MACC1: variants seen among roughly 807,000 people sequenced by gnomAD.
The protein encoded by MACC1 is MET transcriptional regulator MACC1.
In MACC1, 79 loss-of-function variants were observed where a neutral mutation model predicts 70.7. That is an observed-to-expected ratio of 1.12 (90% CI 0.93 to 1.35). The LOEUF (loss-of-function observed/expected upper bound fraction) is 1.35. MACC1 is among the 40% of genes most tolerant of loss of function. MACC1 has a pLI of 0.00. For missense variants in MACC1, 1,106 were observed against 978.1 expected, an observed-to-expected ratio of 1.13 and a Z score of -1.74; for synonymous variants, 361 against 347.2, an observed-to-expected ratio of 1.04 and a Z score of -0.44.
chr7:20,182,307 G>A (rs529345732), intron 1 of MACC1, among the ~76,000 whole-genome samples: 66 of 152,046 alleles, frequency 4.3e-4, no homozygotes, highest in Middle Eastern at 3.4e-3. Context: ...AAACCTGCAC[G>A]TTGTGCACAT....
At chr7:20,149,999 A>G (rs1781951368) in intron 6 of MACC1, among the ~76,000 whole-genome samples, 1 of 152,246 alleles carries the variant, frequency 6.6e-6, no homozygotes, top group Admixed American at 6.5e-5. Flanking sequence ...ATATGTAAAG[A>G]GCAGATGGCT....
At chr7:20,210,687 G>A (rs1782982100) in intron 1 of MACC1, among the ~76,000 whole-genome samples, 1 of 152,030 alleles carries the variant, frequency 6.6e-6, no homozygotes, top group Non-Finnish European at 1.5e-5. Context: ...ACATCTCTTA[G>A]CACTGCCATC....
intron 2 of MACC1, among the ~76,000 whole-genome samples, chr7:20,169,939 T>G (rs1333462076): frequency 6.6e-6 from 1 of 152,208 alleles, no homozygotes; most frequent in Non-Finnish European, 1.5e-5. Flanking sequence ...CTTTGCCAAC[T>G]GGGCCCATTC....
intron 6 of MACC1, among the ~76,000 whole-genome samples, chr7:20,148,341 T>C (rs994312419): frequency 1.1e-4 from 16 of 152,224 alleles, no homozygotes; most frequent in Non-Finnish European, 8.8e-5. Flanking sequence ...GTAACCTTGC[T>C]ATAAATCTAG....
At chr7:20,193,849 C>T (rs1782708692) in intron 1 of MACC1, among the ~76,000 whole-genome samples, 1 of 150,678 alleles carries the variant, frequency 6.6e-6, no homozygotes, top group Non-Finnish European at 1.5e-5. Flanking sequence ...AAACAGCTGA[C>T]ATCACTGTTC....
intron 3 of MACC1, among the ~76,000 whole-genome samples, chr7:20,162,677 T>A (rs779064508): frequency 2.0e-5 from 3 of 152,116 alleles, no homozygotes; most frequent in Non-Finnish European, 4.4e-5. Flanking sequence ...CAGAGTGGTG[T>A]GGAAATGGTG....
intron 1 of MACC1, among the ~76,000 whole-genome samples, chr7:20,208,943 G>A (rs1436571802): frequency 2.0e-5 from 3 of 152,214 alleles, no homozygotes; most frequent in Non-Finnish European, 4.4e-5. Context: ...GTACAGCTCA[G>A]GTCATTGCTC....
intron 6 of MACC1, among the ~76,000 whole-genome samples, chr7:20,148,605 T>A (rs774325454): frequency 6.6e-6 from 1 of 152,192 alleles, no homozygotes; most frequent in Non-Finnish European, 1.5e-5. Flanking sequence ...GTGTATAATA[T>A]AGAATTAAGT....
chr7:20,142,457 A>G lies in MACC1; in HGVS notation c.2347-1299T>C, dbSNP rs12669139. 6.8e-3 allele frequency among the ~76,000 whole-genome samples: 1,039 copies of G among 152,342 alleles called. 20 individuals are homozygous for G. Among genetic ancestry groups the G allele is most frequent in the Admixed American group, 0.037 (571 of 15,302 alleles). On this transcript the variant is annotated intron_variant, in intron 6 of 6. Coordinates refer to ENST00000400331, the MANE Select transcript of MACC1 (RefSeq NM_182762.4). Reference sequence around the variant, plus strand: ...AATAAAAGACAATTATCAAAGTTATACCATATCAGCATATGGTGCAGCAAC... The same window carrying G: ...AATAAAAGACAATTATCAAAGTTATGCCATATCAGCATATGGTGCAGCAAC...
rs1429471127 is a variant in MACC1 at position 20,164,363 on chromosome 7, G to T, written c.-116C>A. The T allele has an allele frequency of 6.6e-6, 1 of 151,710 alleles. No homozygotes were observed. The highest frequency in any genetic ancestry group is 1.9e-4 in the East Asian group (1 of 5,196). 9.4% of individuals were successfully genotyped at this position (151,710 alleles called of 1,614,324 possible). A position where few individuals can be genotyped will look rare whatever the true frequency, so the allele number is the denominator to read the frequency against. On this transcript the variant is annotated 5_prime_UTR_variant, in exon 3 of 7. Transcript: ENST00000400331. ...TTCTTGATTTTTTTCTTTTCAAGTA[G>T]TTTTATTTTTTAAAGAAAGCAGAAG...
At chr7:20,199,437 A>G (rs1782802119) in intron 1 of MACC1, among the ~76,000 whole-genome samples, 1 of 152,256 alleles carries the variant, frequency 6.6e-6, no homozygotes, top group African/African-American at 2.4e-5. Flanking sequence ...TGGAGGCTTC[A>G]GTTCAACCCA....
intron 6 of MACC1, among the ~76,000 whole-genome samples, chr7:20,151,776 A>C (rs1467036453): frequency 6.6e-6 from 1 of 152,164 alleles, no homozygotes; most frequent in South Asian, 2.1e-4. Context: ...TATCATGGCT[A>C]CTTGACATGG....
intron 6 of MACC1, among the ~76,000 whole-genome samples, chr7:20,148,175 A>G (rs1217421100): frequency 1.3e-5 from 2 of 151,996 alleles, no homozygotes; most frequent in Non-Finnish European, 2.9e-5. Context: ...AAATGAGAAA[A>G]AAGGTGTACC....
At chr7:20,157,793 G>GAAAGA (rs1554288425) in intron 5 of MACC1, among the ~76,000 whole-genome samples, 10 of 139,092 alleles carry the variant, frequency 7.2e-5, no homozygotes, top group African/African-American at 2.7e-4. Flanking sequence ...AAAAAAGAAA[G>GAAAGA]AAAGAAAAAA....
intron 1 of MACC1, among the ~76,000 whole-genome samples, chr7:20,205,827 C>G (rs902508186): frequency 2.0e-5 from 3 of 152,102 alleles, no homozygotes; most frequent in Admixed American, 6.6e-5. Flanking sequence ...CTCCCCAGAG[C>G]TGCAGAACTG....
chr7:20,215,327 T>G (rs1008721606), intron 1 of MACC1, among the ~76,000 whole-genome samples: 2 of 152,158 alleles, frequency 1.3e-5, no homozygotes, highest in Non-Finnish European at 2.9e-5. Flanking sequence ...TCTTCTAGCC[T>G]CTAAACCCAG....
At chr7:20,171,606 G>C (rs1782308959) in intron 1 of MACC1, among the ~76,000 whole-genome samples, 1 of 149,688 alleles carries the variant, frequency 6.7e-6, no homozygotes, top group African/African-American at 2.5e-5. Flanking sequence ...TTTTGAGATG[G>C]AGTCTCGTTC....
chr7:20,212,924 T>C (rs1859809), intron 1 of MACC1, among the ~76,000 whole-genome samples: 1 of 151,784 alleles, frequency 6.6e-6, no homozygotes, highest in Admixed American at 6.6e-5. Flanking sequence ...GGAGACCCCA[T>C]TTGGTAGGTT....
At chr7:20,216,080 G>A (rs1443064607) in intron 1 of MACC1, among the ~76,000 whole-genome samples, 1 of 151,908 alleles carries the variant, frequency 6.6e-6, no homozygotes, top group Non-Finnish European at 1.5e-5. Flanking sequence ...AAGTTCAGGG[G>A]GGCATAAAAG....
Sources: gnomAD v4.1 joint callset for allele counts (sites outside exome capture counted in the v4.1 genomes callset) on GRCh38, gnomAD v4.1.1 for gene constraint, MANE v1.5 for transcripts, NCBI Gene and HGNC (gene_info 2026-07-23, HGNC 2026-07-21) for gene names.